The following RNF180 variants were observed in gnomAD, a reference collection of about 807,000 sequenced individuals.
The protein encoded by RNF180 is ring finger protein 180.
Under a neutral mutation model 59.2 loss-of-function variants are expected in RNF180, and 38 were observed. The observed-to-expected ratio is 0.64, with a 90% CI of 0.50 to 0.84. The LOEUF (loss-of-function observed/expected upper bound fraction) is 0.84, where lower values mean the gene tolerates loss of function less well. Among genes scored for constraint, RNF180 ranks in the 40% least tolerant of loss-of-function variants. The pLI, the probability that RNF180 is intolerant of heterozygous loss-of-function variation, is 0.00. For missense variants in RNF180, 705 were observed against 700.9 expected (o/e 1.01, Z -0.07); for synonymous variants, 262 against 240.3 (o/e 1.09, Z -0.84).
chr5:64,358,263 A>C (rs1746106274), intron 7 of RNF180, among the ~76,000 whole-genome samples: 1 of 151,800 alleles, frequency 6.6e-6, no homozygotes, highest in East Asian at 1.9e-4. Context: ...AAGCAACTTA[A>C]ACTGATAAAT....
intron 6 of RNF180, among the ~76,000 whole-genome samples, chr5:64,326,259 TAA>T (rs200506742): frequency 6.7e-6 from 1 of 149,770 alleles, no homozygotes; most frequent in African/African-American, 2.4e-5. Flanking sequence ...TTTATTCTGG[TAA>T]AAAAAAAATT....
intron 5 of RNF180, among the ~76,000 whole-genome samples, chr5:64,239,765 A>G (rs1479001931): frequency 6.6e-6 from 1 of 152,192 alleles, no homozygotes; most frequent in African/African-American, 2.4e-5. Flanking sequence ...ATCTTAAAAA[A>G]TAAACATTAC....
At chr5:64,256,304 G>T (rs1254345803) in intron 5 of RNF180, among the ~76,000 whole-genome samples, 1 of 152,066 alleles carries the variant, frequency 6.6e-6, no homozygotes, top group Non-Finnish European at 1.5e-5. Flanking sequence ...GTATTGCCTA[G>T]GTTTTCTTCT....
chr5:64,180,775 T>A (rs2111941805), intron 1 of RNF180, among the ~76,000 whole-genome samples: 1 of 152,308 alleles, frequency 6.6e-6, no homozygotes, highest in Non-Finnish European at 1.5e-5. Flanking sequence ...ACATCCCTTT[T>A]CGCCTCTCAG....
chr5:64,244,376 G>A (rs1258226358), intron 5 of RNF180, among the ~76,000 whole-genome samples: 1 of 150,018 alleles, frequency 6.7e-6, no homozygotes, highest in Admixed American at 6.7e-5. Flanking sequence ...AGAATAACAA[G>A]TTTGGAGAGG....
chr5:64,167,656 G>A (rs1749719086), intron 1 of RNF180, among the ~76,000 whole-genome samples: 1 of 152,098 alleles, frequency 6.6e-6, no homozygotes, highest in Admixed American at 6.5e-5. Flanking sequence ...TCTGTAATAT[G>A]ACATAGCTAC....
chr5:64,211,802 CT>C (rs1253054360), intron 2 of RNF180, among the ~76,000 whole-genome samples: 1 of 152,174 alleles, frequency 6.6e-6, no homozygotes, highest in African/African-American at 2.4e-5. Context: ...TAACTAACTG[CT>C]AAATTGTAAA....
intron 5 of RNF180, among the ~76,000 whole-genome samples, chr5:64,293,992 A>G (rs1292502576): frequency 1.3e-5 from 2 of 152,218 alleles, no homozygotes; most frequent in Non-Finnish European, 2.9e-5. Context: ...TTAAAAATGC[A>G]TATTTTTAGC....
At chr5:64,300,092 A>G (rs573305455) in intron 5 of RNF180, among the ~76,000 whole-genome samples, 1 of 151,898 alleles carries the variant, frequency 6.6e-6, no homozygotes, top group East Asian at 1.9e-4. Flanking sequence ...ATCCCAAAGC[A>G]CAGAAGTAGT....
At chr5:64,298,591 G>A (rs775358014) in intron 5 of RNF180, among the ~76,000 whole-genome samples, 1 of 152,044 alleles carries the variant, frequency 6.6e-6, no homozygotes, top group Non-Finnish European at 1.5e-5. Flanking sequence ...TGGACTGAAT[G>A]TTTGTGTTCC....
intron 1 of RNF180, among the ~76,000 whole-genome samples, chr5:64,185,979 T>A (rs1245922141): frequency 6.6e-6 from 1 of 152,228 alleles, no homozygotes; most frequent in African/African-American, 2.4e-5. Context: ...GATAAGTAAG[T>A]AAACAAGCCC....
intron 5 of RNF180, among the ~76,000 whole-genome samples, chr5:64,252,693 G>T (rs1027438598): frequency 2.0e-4 from 31 of 152,108 alleles, no homozygotes; most frequent in African/African-American, 6.3e-4. Flanking sequence ...CCTGAGCATG[G>T]AAAACTAAAC....
intron 5 of RNF180, among the ~76,000 whole-genome samples, chr5:64,233,178 G>C (rs747981241): frequency 6.6e-6 from 1 of 152,168 alleles, no homozygotes; most frequent in Non-Finnish European, 1.5e-5. Context: ...TTACTATAAG[G>C]TTGTTGGTAA....
intron 5 of RNF180, among the ~76,000 whole-genome samples, chr5:64,247,047 T>A (rs773937664): frequency 6.6e-6 from 1 of 151,864 alleles, no homozygotes; most frequent in Non-Finnish European, 1.5e-5. Context: ...AGGCCTTCAG[T>A]AAAATTCAAC....
intron 5 of RNF180, among the ~76,000 whole-genome samples, chr5:64,227,296 C>T (rs1741828040): frequency 6.6e-6 from 1 of 152,156 alleles, no homozygotes; most frequent in African/African-American, 2.4e-5. Context: ...CAGCTGGTCC[C>T]AGGGAACTCT....
chr5:64,269,590 G>T (rs916496655), intron 5 of RNF180, among the ~76,000 whole-genome samples: 1 of 151,976 alleles, frequency 6.6e-6, no homozygotes, highest in Non-Finnish European at 1.5e-5. Context: ...CTTACTGAAG[G>T]CCCTGCTATG....
chr5:64,197,868 G>C (rs1213382597), intron 1 of RNF180, among the ~76,000 whole-genome samples: 1 of 152,124 alleles, frequency 6.6e-6, no homozygotes, highest in Non-Finnish European at 1.5e-5. Context: ...TTACATCCTA[G>C]AAACATTGAA....
At chr5:64,291,016 A>C (rs1305108527) in intron 5 of RNF180, among the ~76,000 whole-genome samples, 1 of 152,156 alleles carries the variant, frequency 6.6e-6, no homozygotes, top group African/African-American at 2.4e-5. Flanking sequence ...AGCTCTTGCA[A>C]GGCAGGCCTG....
intron 1 of RNF180, among the ~76,000 whole-genome samples, chr5:64,189,207 A>G (rs1751016688): frequency 6.6e-6 from 1 of 152,064 alleles, no homozygotes; most frequent in Admixed American, 6.6e-5. Context: ...GTGTTATGGT[A>G]GCCCAAGCAG....
Sources: allele counts gnomAD v4.1 joint callset (sites outside exome capture counted in the v4.1 genomes callset), GRCh38; gene constraint gnomAD v4.1.1; transcripts MANE v1.5; gene names NCBI Gene and HGNC (gene_info 2026-07-23, HGNC 2026-07-21).